The following ZNF215 variants were observed in gnomAD, a reference collection of about 807,000 sequenced individuals.
ZNF215 encodes zinc finger protein 215.
ZNF215 carries 24 observed loss-of-function variants against 27.2 expected under a neutral mutation model. That is an observed-to-expected ratio of 0.88 (90% CI 0.64 to 1.24). The LOEUF (loss-of-function observed/expected upper bound fraction) is 1.24, where lower values mean the gene tolerates loss of function less well. ZNF215 is among the 50% of genes most tolerant of loss of function. The probability of loss-of-function intolerance (pLI) is 0.00; values close to 1 mark genes in which losing one functional copy is unlikely to be tolerated. For missense variants in ZNF215, 675 were observed against 605.7 expected (o/e 1.11, Z -1.20); for synonymous variants, 210 against 204.0 (o/e 1.03, Z -0.25).
intron 3 of ZNF215, among the ~76,000 whole-genome samples, chr11:6,938,300 A>C (rs1185105986): frequency 6.6e-6 from 1 of 152,052 alleles, no homozygotes; most frequent in Admixed American, 6.5e-5. Flanking sequence ...ACCCACTAGG[A>C]TGGCTATAAT....
chr11:6,963,409 T>C (rs1265109017), intron 5 of ZNF215, among the ~76,000 whole-genome samples: 1 of 152,074 alleles, frequency 6.6e-6, no homozygotes, highest in African/African-American at 2.4e-5. Flanking sequence ...GGCAATAAAA[T>C]AAAATTGCTA....
chr11:6,947,101 ATT>A (rs1203912658), intron 6 of ZNF215, among the ~76,000 whole-genome samples: 2 of 152,126 alleles, frequency 1.3e-5, no homozygotes, highest in Non-Finnish European at 2.9e-5. Context: ...GTATTTCCCC[ATT>A]GTTTTATATC....
At chr11:6,935,093 C>G (rs1849387602) in intron 3 of ZNF215, among the ~76,000 whole-genome samples, 1 of 152,188 alleles carries the variant, frequency 6.6e-6, no homozygotes, top group Non-Finnish European at 1.5e-5. Context: ...TTTTCAAAAA[C>G]ATTTCATGGA....
chr11:6,943,980 A>G (rs1849725983), intron 6 of ZNF215, among the ~76,000 whole-genome samples: 1 of 152,204 alleles, frequency 6.6e-6, no homozygotes, highest in South Asian at 2.1e-4. Context: ...TACACTTAGA[A>G]TAGTGCATGG....
In ZNF215 at chr11:6,943,078, T is replaced by A. The variant is rs368694989; in HGVS notation, c.484-5T>A. On this transcript the variant is annotated splice_region_variant and splice_polypyrimidine_tract_variant and intron_variant, in intron 4 of 6. Coordinates refer to ENST00000278319, the MANE Select transcript of ZNF215 (RefSeq NM_013250.4). ...CTTTGATTAAAAAGGAACTTAATGT[T>A]TTAGGAACCAGTGACATTCAAAGAT... The A allele has an allele frequency of 5.0e-6, 8 of 1,609,186 alleles. No individual in the cohort carries two copies. The highest frequency in any genetic ancestry group is 6.8e-6 in the Non-Finnish European group (8 of 1,178,574).
downstream of ZNF215, chr11:6,988,332 T>C: frequency 1.2e-6 from 1 of 860,144 alleles, no homozygotes; most frequent in Non-Finnish European, 1.4e-6. Context: ...TAAGCCACTC[T>C]CATTTGTGTC....
At chr11:6,930,659 A>T (rs1421725290) in intron 2 of ZNF215, among the ~76,000 whole-genome samples, 2 of 152,244 alleles carry the variant, frequency 1.3e-5, no homozygotes, top group African/African-American at 4.8e-5. Flanking sequence ...AATATGTAAG[A>T]TCTAACATTG....
chr11:6,943,164 T>C lies in ZNF215; in HGVS notation c.565T>C (p.Tyr189His), dbSNP rs34693834. The C allele has an allele frequency of 2.4e-5, 38 of 1,613,870 alleles. 1 individual carries two copies. In the Middle Eastern group the frequency reaches 6.6e-4, roughly 28 times the overall value. Residue 189 changes from tyrosine to histidine, a missense_variant, in exon 5 of 7, where the codon TAC becomes CAC. Coordinates refer to ENST00000278319, the MANE Select transcript of ZNF215 (RefSeq NM_013250.4). ...ACTGGACTCTGCTGTAAAGAACCTG[T>C]ACAGGAATGTGATGCTGGAAAACTT... Reference protein sequence around the residue: ...GQLDSAVKNLYRNVMLENFRN... With the variant: ...GQLDSAVKNLHRNVMLENFRN...
chr11:6,986,429 G>C (rs1851054210), downstream of ZNF215, among the ~76,000 whole-genome samples: 1 of 152,050 alleles, frequency 6.6e-6, no homozygotes, highest in Non-Finnish European at 1.5e-5. Flanking sequence ...AAAAATCCTA[G>C]ATGAAAACCT....
chr11:6,973,970 A>G (rs941153335), intron 5 of ZNF215, among the ~76,000 whole-genome samples: 55 of 152,072 alleles, frequency 3.6e-4, no homozygotes, highest in Non-Finnish European at 3.7e-4. Context: ...GTCCTTGCCC[A>G]TTTCTATGTA....
chr11:6,940,321 T>C (rs570437113), intron 3 of ZNF215, among the ~76,000 whole-genome samples: 1 of 152,262 alleles, frequency 6.6e-6, no homozygotes, highest in South Asian at 2.1e-4. Context: ...TTTGCTTTTA[T>C]TCAGACAGGG....
chr11:6,948,661 T>G (rs571548643), intron 6 of ZNF215, among the ~76,000 whole-genome samples: 1 of 152,312 alleles, frequency 6.6e-6, no homozygotes, highest in Admixed American at 6.5e-5. Context: ...GAAGCTGACA[T>G]GATTTGGTCA....
chr11:6,970,823 C>T (rs544536450), intron 5 of ZNF215, among the ~76,000 whole-genome samples: 1 of 152,324 alleles, frequency 6.6e-6, no homozygotes, highest in South Asian at 2.1e-4. Flanking sequence ...TATTCCGAGA[C>T]ATCCTTCCTT....
intron 6 of ZNF215, 84 bp from the exon 7 acceptor site, chr11:6,955,606 T>C (rs1455246263): frequency 7.1e-7 from 1 of 1,411,584 alleles, no homozygotes. Flanking sequence ...CCGTGGTATA[T>C]GCATATACCT....
intron 5 of ZNF215, among the ~76,000 whole-genome samples, chr11:6,963,474 CAT>C (rs1400143073): frequency 2.0e-5 from 3 of 152,158 alleles, no homozygotes; most frequent in East Asian, 1.9e-4. Flanking sequence ...GAGTTCTTCA[CAT>C]ATATGTGTTA....
chr11:6,945,239 C>T (rs905399354), intron 6 of ZNF215, among the ~76,000 whole-genome samples: 80 of 152,208 alleles, frequency 5.3e-4, no homozygotes, highest in African/African-American at 1.7e-3. Context: ...CCTCGGTCCC[C>T]GCTCCCATTG....
At chr11:6,929,042 G>A (rs1849162420) in intron 2 of ZNF215, among the ~76,000 whole-genome samples, 1 of 152,150 alleles carries the variant, frequency 6.6e-6, no homozygotes, top group Non-Finnish European at 1.5e-5. Flanking sequence ...GGAAGCACTT[G>A]TTTCAGGGCA....
At chr11:6,940,200 A>T (rs1849587662) in intron 3 of ZNF215, among the ~76,000 whole-genome samples, 1 of 150,146 alleles carries the variant, frequency 6.7e-6, no homozygotes, top group Non-Finnish European at 1.5e-5. Flanking sequence ...GCCATACTGC[A>T]CTCCAGCCTG....
chr11:6,930,348 A>G (rs1176755310), intron 2 of ZNF215, among the ~76,000 whole-genome samples: 2 of 152,218 alleles, frequency 1.3e-5, no homozygotes, highest in Non-Finnish European at 2.9e-5. Flanking sequence ...TTATGTATAT[A>G]TACATATCTG....
Sources: allele counts gnomAD v4.1 joint callset (sites outside exome capture counted in the v4.1 genomes callset), GRCh38; gene constraint gnomAD v4.1.1; transcripts MANE v1.5; gene names NCBI Gene and HGNC (gene_info 2026-07-23, HGNC 2026-07-21).